The following BLACAT1 variants were observed in gnomAD, a reference collection of about 807,000 sequenced individuals.
The protein encoded by BLACAT1 is BLACAT1 overlapping LEMD1 locus.
downstream of BLACAT1, chr1:205,435,717 G>C (rs2102458089): frequency 6.6e-6 from 1 of 152,330 alleles, no homozygotes; most frequent in South Asian, 2.1e-4. Context: ...TCATACCTGT[G>C]TAGGAAAAAA....
At chr1:205,447,001 G>C (rs984237636) in intron 1 of BLACAT1, among the ~76,000 whole-genome samples, 1 of 152,244 alleles carries the variant, frequency 6.6e-6, no homozygotes, top group African/African-American at 2.4e-5. Context: ...GTTGGGCCAC[G>C]GGGCCAATTT....
Position 205,448,555 on chromosome 1 carries a change from C to T in BLACAT1, c.-37+7362G>A, listed in dbSNP as rs1666443073. Among the ~76,000 whole-genome samples the T allele has an allele frequency of 6.6e-6, 1 of 152,122 alleles. No homozygotes were observed. The highest frequency in any genetic ancestry group is 1.5e-5 in the Non-Finnish European group (1 of 68,020). On this transcript the variant is annotated intron_variant, in intron 1 of 1. Coordinates refer to ENST00000629624, the Ensembl canonical transcript of BLACAT1. The surrounding 1 kb of genome is among the most constrained non-coding windows in gnomAD (Gnocchi z 4.7). ...GTTAAATTCTCTCACCATCTTCCAC[C>T]ACCTGCACTAAAGCCATCCCAGTAA...
At chr1:205,452,381 G>A (rs1055471916) in intron 1 of BLACAT1, among the ~76,000 whole-genome samples, 2 of 152,162 alleles carry the variant, frequency 1.3e-5, no homozygotes, top group South Asian at 2.1e-4. Context: ...TTACCCCTCC[G>A]CAGCAGAGAA....
At chr1:205,451,868 G>A (rs1666501602) in intron 1 of BLACAT1, among the ~76,000 whole-genome samples, 1 of 152,160 alleles carries the variant, frequency 6.6e-6, no homozygotes, top group Non-Finnish European at 1.5e-5. Flanking sequence ...GAGGTTGATG[G>A]AGGCTACAAC....
downstream of BLACAT1, chr1:205,435,979 C>T (rs1305485869): frequency 6.6e-6 from 1 of 152,220 alleles, no homozygotes; most frequent in Non-Finnish European, 1.5e-5. Context: ...AGAAACCAGC[C>T]TGGCCTCTCT....
rs544088251 is a variant in BLACAT1, at chr1:205,448,037, C to G, written c.-36-6975G>C. On this transcript the variant is annotated intron_variant, in intron 1 of 1. Transcript: ENST00000629624. This position sits in a 1 kb window ranked among gnomAD's most constrained non-coding sequence, Gnocchi z 4.7. ...AGTAATTTGGCAAGGGGGAAGGAAC[C>G]GACTCAGAAAGCTCAGCACACCCTG... 4.6e-5 allele frequency among the ~76,000 whole-genome samples: 7 copies of G among 152,298 alleles called. No homozygotes were observed. Among genetic ancestry groups the G allele is most frequent in the Admixed American group, 1.3e-4 (2 of 15,304 alleles).
downstream of BLACAT1, among the ~76,000 whole-genome samples, chr1:205,438,752 G>C (rs191372882): frequency 6.6e-6 from 1 of 152,076 alleles, no homozygotes; most frequent in African/African-American, 2.4e-5. Flanking sequence ...TTTGACCTTG[G>C]GACCCCACCC....
chr1:205,440,119 G>T (rs982860522), exon 2 of BLACAT1, among the ~76,000 whole-genome samples: 1 of 152,176 alleles, frequency 6.6e-6, no homozygotes, highest in Non-Finnish European at 1.5e-5. Flanking sequence ...GGAGGGCACG[G>T]CTCAGTCCAG....
downstream of BLACAT1, chr1:205,436,280 TG>T (rs1666203089): frequency 6.6e-6 from 1 of 152,260 alleles, no homozygotes; most frequent in African/African-American, 2.4e-5. Flanking sequence ...TGGGAGCTCT[TG>T]GCTTTGGCAA....
At position 205,441,215 on chromosome 1, in the gene BLACAT1, G is replaced by A. The variant is rs1021254149; in HGVS notation, c.-36-153C>T. Among the ~76,000 whole-genome samples, 6 of 152,170 alleles carry A rather than the reference G, an allele frequency of 3.9e-5. No homozygotes were observed. Among genetic ancestry groups the A allele is most frequent in the African/African-American group, 1.4e-4 (6 of 41,426 alleles). On this transcript the variant is annotated intron_variant, in intron 1 of 1. Transcript: ENST00000629624. The surrounding 1 kb of genome is among the most constrained non-coding windows in gnomAD (Gnocchi z 4.3). Reference sequence around the variant, plus strand: ...TAGGTCTCTCACACCGGCTGGGGGAGGAGTCAAGCCTCTAAACAACAGCTC... The same window carrying A: ...TAGGTCTCTCACACCGGCTGGGGGAAGAGTCAAGCCTCTAAACAACAGCTC...
chr1:205,455,628 C>G (rs765931014), intron 1 of BLACAT1, among the ~76,000 whole-genome samples: 2 of 152,194 alleles, frequency 1.3e-5, no homozygotes, highest in East Asian at 1.9e-4. Context: ...CACACTCCCC[C>G]CAATCCCACC....
At chr1:205,438,517 AG>A (rs1184495079), downstream of BLACAT1, among the ~76,000 whole-genome samples, 4 of 152,240 alleles carry the variant, frequency 2.6e-5, no homozygotes, top group Non-Finnish European at 2.9e-5. Flanking sequence ...AGGAGGGCAC[AG>A]GTGTCCAGAC....
chr1:205,438,880 G>T (rs552048676), downstream of BLACAT1, among the ~76,000 whole-genome samples: 6 of 152,310 alleles, frequency 3.9e-5, no homozygotes, highest in Non-Finnish European at 7.4e-5. Flanking sequence ...TGCAATCCCT[G>T]CCAAGGCCTG....
At chr1:205,440,732 T>A (rs1305806952) in exon 2 of BLACAT1, 1 of 152,486 alleles carries the variant, frequency 6.6e-6, no homozygotes, top group Admixed American at 6.5e-5. Flanking sequence ...TGGAAGCTAA[T>A]GGGTGTGGGC....
chr1:205,445,458 C>G (rs1666372227), intron 1 of BLACAT1, among the ~76,000 whole-genome samples: 1 of 152,242 alleles, frequency 6.6e-6, no homozygotes, highest in South Asian at 2.1e-4. Context: ...TGAGCTCTAG[C>G]CTCTGGCTCA....
chr1:205,439,830 G>A (rs1472328248), downstream of BLACAT1, among the ~76,000 whole-genome samples: 1 of 152,106 alleles, frequency 6.6e-6, no homozygotes, highest in East Asian at 1.9e-4. Flanking sequence ...AAAAGGCTAA[G>A]TTATACCAAA....
exon 2 of BLACAT1, chr1:205,440,828 G>A (rs1575008092): frequency 6.6e-6 from 1 of 152,472 alleles, no homozygotes; most frequent in African/African-American, 2.4e-5. Flanking sequence ...CAAGACTTAA[G>A]ATACACACAC....
chr1:205,437,293 A>T (rs1017112628), downstream of BLACAT1: 1 of 152,864 alleles, frequency 6.5e-6, no homozygotes, highest in Non-Finnish European at 1.5e-5. Context: ...TCACTTGAGC[A>T]TCTATCTGCA....
downstream of BLACAT1, chr1:205,436,260 T>C (rs946224638): frequency 1.3e-5 from 2 of 152,274 alleles, no homozygotes; most frequent in Non-Finnish European, 2.9e-5. Flanking sequence ...GCTCCTGAGC[T>C]GCCCAGGTCT....
Sources: allele counts gnomAD v4.1 joint callset (sites outside exome capture counted in the v4.1 genomes callset), GRCh38; gene constraint gnomAD v4.1.1; non-coding constraint Gnocchi (gnomAD v3.1); transcripts MANE v1.5; gene names NCBI Gene and HGNC (gene_info 2026-07-23, HGNC 2026-07-21).